CXADR: variants seen among roughly 807,000 people sequenced by gnomAD.
The protein encoded by CXADR is coxsackievirus and adenovirus receptor.
In CXADR, 20 loss-of-function variants were observed where a neutral mutation model predicts 40.3. The ratio of observed to expected loss-of-function variants is 0.50; its 90% CI spans 0.35 to 0.72. CXADR has a LOEUF of 0.72. Among genes scored for constraint, CXADR ranks in the 30% least tolerant of loss-of-function variants. CXADR has a pLI of 0.01. For synonymous variants in CXADR, 150 were observed against 161.3 expected, an observed-to-expected ratio of 0.93 and a Z score of 0.53; for missense variants, 332 against 449.1, an observed-to-expected ratio of 0.74 and a Z score of 2.36.
At chr21:17,576,114 G>A (rs1343796943) in intron 7 of CXADR, among the ~76,000 whole-genome samples, 1 of 151,594 alleles carries the variant, frequency 6.6e-6, no homozygotes, top group African/African-American at 2.4e-5. Flanking sequence ...AGTTTTTAAG[G>A]GCTTTGAAAA....
chr21:17,518,845 A>C, intron 1 of CXADR: 1 of 1,562,152 alleles, frequency 6.4e-7, no homozygotes, highest in South Asian at 1.1e-5. Context: ...AATACCAACT[A>C]TATTATTCAC....
At chr21:17,626,839 G>T in the CXADR span, 1 of 152,132 alleles carries the variant, frequency 6.6e-6, no homozygotes, top group Non-Finnish European at 1.5e-5. Context: ...CCATAATATT[G>T]TTTTAGTTGA....
chr21:17,576,636 C>T (rs2061324064), intron 7 of CXADR, among the ~76,000 whole-genome samples: 1 of 152,172 alleles, frequency 6.6e-6, no homozygotes, highest in East Asian at 1.9e-4. Flanking sequence ...ATCATTTGCT[C>T]TCAAAAGTAT....
At chr21:17,601,543 C>CAAAA in the CXADR span, among the ~76,000 whole-genome samples, 2 of 152,068 alleles carry the variant, frequency 1.3e-5, no homozygotes. Context: ...ACAAAACAAA[C>CAAAA]AAAAAATAAA....
chr21:17,525,903 T>C (rs2060593075), intron 1 of CXADR, among the ~76,000 whole-genome samples: 1 of 152,224 alleles, frequency 6.6e-6, no homozygotes, highest in Non-Finnish European at 1.5e-5. Flanking sequence ...GCAAGCCACA[T>C]ATGTAATTTA....
chr21:17,535,874 G>T (rs2060748524), intron 1 of CXADR, among the ~76,000 whole-genome samples: 1 of 152,066 alleles, frequency 6.6e-6, no homozygotes, highest in Non-Finnish European at 1.5e-5. Flanking sequence ...GGGGCATGGT[G>T]GCGTGCACCT....
chr21:17,558,980 G>A lies in CXADR; in HGVS notation c.420G>A (p.Lys140=). The A allele has an allele frequency of 6.2e-7, 1 of 1,607,896 alleles. No homozygotes were observed. Among genetic ancestry groups the A allele is most frequent in the South Asian group, 1.1e-5 (1 of 89,466 alleles). The part of the protein sequence containing the change: ...NKKIHLVVLV[K]PSGARCYVDG... ...ATAATTTGTTTTCTCTTTCAGTTAA[G>A]CCTTCAGGTGCGAGATGTTACGTTG... The change falls in exon 4 of 7, where the codon AAG becomes AAA. Residue 140 remains lysine (K), a synonymous_variant. Coordinates refer to ENST00000284878, the MANE Select transcript of CXADR (RefSeq NM_001338.5).
intron 6 of CXADR, among the ~76,000 whole-genome samples, chr21:17,564,364 C>A (rs1365424689): frequency 6.6e-6 from 1 of 150,996 alleles, no homozygotes; most frequent in Non-Finnish European, 1.5e-5. Flanking sequence ...ATGTATATAA[C>A]CTGCACACAT....
At chr21:17,560,679 T>G (rs765949787) in intron 4 of CXADR, 23 bp from the exon 5 acceptor site, 1 of 1,605,330 alleles carries the variant, frequency 6.2e-7, no homozygotes. Context: ...AATGAGTTTG[T>G]TTTCTTTTTC....
chr21:17,593,221 T>C (rs2061458381), exon 8 of CXADR: 3 of 1,395,002 alleles, frequency 2.2e-6, no homozygotes, highest in South Asian at 1.8e-5. Context: ...ATCTGAAGTA[T>C]TGTATTATTT....
rs908148800 is a variant in CXADR at position 17,568,171 on chromosome 21, C to T, written c.*2479C>T. On this transcript the variant is annotated 3_prime_UTR_variant, in exon 7 of 7. Transcript: ENST00000284878. ...TAAGACGGAGTCTCGGTCTGTCACC[C>T]AGGCTGGAGTGCAGTGGCGGGATCT... 10 of 970,138 alleles carry T rather than the reference C, an allele frequency of 1.0e-5. No homozygotes were observed. The African/African-American group carries it at 1.8e-4, about 18-fold the overall frequency. The allele number at this position is 970,138 out of a possible 1,614,324, so 60.1% of individuals were successfully genotyped here. A position where few individuals can be genotyped will look rare whatever the true frequency, so the allele number is the denominator to read the frequency against.
At position 17,580,259 on chromosome 21, in the gene CXADR, G is replaced by T. The variant is rs191357051; in HGVS notation, c.1018-12893G>T. ...AGTTGGCGAAAACTCTCACTTCTGG[G>T]TTAACTTTCTTAAAACACTTATGTT... On this transcript the variant is annotated intron_variant, in intron 7 of 7. Coordinates refer to the CXADR transcript ENST00000400169. 5.3e-5 allele frequency among the ~76,000 whole-genome samples: 8 copies of T among 152,312 alleles called. 1 individual carries two copies. In the East Asian group the frequency reaches 1.5e-3, roughly 29 times the overall value.
At chr21:17,553,609 G>T (rs1448449199) in intron 3 of CXADR, among the ~76,000 whole-genome samples, 1 of 130,160 alleles carries the variant, frequency 7.7e-6, no homozygotes, top group Non-Finnish European at 1.5e-5. Flanking sequence ...CACCTGGTCC[G>T]AATTCTTTTT....
the CXADR span, chr21:17,604,764 G>C: frequency 1.4e-6 from 2 of 1,397,534 alleles, no homozygotes; most frequent in Non-Finnish European, 1.9e-6. Context: ...ACCAGCTCCT[G>C]GCCATAAAGA....
chr21:17,591,038 C>T (rs574176768), intron 7 of CXADR, among the ~76,000 whole-genome samples: 64 of 152,036 alleles, frequency 4.2e-4, no homozygotes, highest in African/African-American at 1.4e-3. Flanking sequence ...CATTAATTTA[C>T]CTTCGCACTG....
chr21:17,572,756 TG>T (rs370604199), downstream of CXADR, among the ~76,000 whole-genome samples: 15,294 of 60,810 alleles, frequency 0.25, 814 homozygotes, highest in Non-Finnish European at 0.4. Flanking sequence ...TTAGTGTGGT[TG>T]AAAAAAAAAA....
Position 17,568,808 on chromosome 21 carries a change from A to G in CXADR, c.*3116A>G, listed in dbSNP as rs745915068. ...CACTCCCCCACCCCCAAAAATGTCT[A>G]CTATTCATGACAGTAACCAATTATT... On this transcript the variant is annotated 3_prime_UTR_variant, in exon 7 of 7. Transcript: ENST00000284878. 6 of 985,060 alleles carry G rather than the reference A, an allele frequency of 6.1e-6. No individual in the cohort carries two copies. Among genetic ancestry groups the G allele is most frequent in the African/African-American group, 1.8e-5 (1 of 57,136 alleles). 61.0% of individuals were successfully genotyped at this position (985,060 alleles called of 1,614,324 possible).
intron 1 of CXADR, among the ~76,000 whole-genome samples, chr21:17,515,507 C>T (rs2060407066): frequency 6.6e-6 from 1 of 151,678 alleles, no homozygotes; most frequent in African/African-American, 2.4e-5. Flanking sequence ...ATATTTCTGA[C>T]CATTTAGAAA....
At chr21:17,633,886 T>G in the CXADR span, among the ~76,000 whole-genome samples, 3 of 152,234 alleles carry the variant, frequency 2.0e-5, no homozygotes, top group African/African-American at 7.2e-5. Context: ...AGTTTTATAC[T>G]TTGTCTGACT....
Sources: gnomAD v4.1 joint callset for allele counts (sites outside exome capture counted in the v4.1 genomes callset) on GRCh38, gnomAD v4.1.1 for gene constraint, MANE v1.5 for transcripts, NCBI Gene and HGNC (gene_info 2026-07-23, HGNC 2026-07-21) for gene names.